Variants in RIMS1 observed in about 807,000 individuals in gnomAD.
RIMS1 encodes the protein regulating synaptic membrane exocytosis 1.
Under a neutral mutation model 214.1 loss-of-function variants are expected in RIMS1, and 83 were observed. The ratio of observed to expected loss-of-function variants is 0.39; its 90% CI spans 0.32 to 0.47. The LOEUF (loss-of-function observed/expected upper bound fraction) is 0.47, where lower values mean the gene tolerates loss of function less well. Ranked by LOEUF, RIMS1 falls within the 20% of genes least tolerant of loss-of-function variation. The pLI is 0.99. For synonymous variants in RIMS1, 793 were observed against 786.8 expected (o/e 1.01, Z -0.13); for missense variants, 2,050 against 2,161.8 (o/e 0.95, Z 1.03).
chr6:72,355,910 C>A (rs190809100), intron 29 of RIMS1, among the ~76,000 whole-genome samples: 2 of 152,270 alleles, frequency 1.3e-5, no homozygotes, highest in East Asian at 3.9e-4. Context: ...TTACACATAA[C>A]GACTCCCACT....
rs147294767 is a variant in RIMS1, at chr6:71,953,889, G to A, written c.165-15094G>A. Among the ~76,000 whole-genome samples the A allele has an allele frequency of 1.5e-3, 233 of 152,258 alleles. 6 individuals are homozygous for A. The East Asian group carries it at 0.042, about 28-fold the overall frequency. Reference sequence around the variant, plus strand: ...GAGACTATTTTCATGCTTCTCCCCAGCCAAACAGACTGAATTAAAGGACTG... The same window carrying A: ...GAGACTATTTTCATGCTTCTCCCCAACCAAACAGACTGAATTAAAGGACTG... On this transcript the variant is annotated intron_variant, in intron 1 of 33. Coordinates refer to ENST00000521978, the MANE Select transcript of RIMS1 (RefSeq NM_014989.7).
chr6:71,951,492 T>TTGTGTG lies in RIMS1; in HGVS notation c.165-17478_165-17473dup, dbSNP rs1554151372. 3.3e-3 allele frequency among the ~76,000 whole-genome samples: 386 copies of TTGTGTG among 117,490 alleles called. 5 individuals are homozygous for TTGTGTG. The highest frequency in any genetic ancestry group is 0.012 in the African/African-American group (327 of 26,862). 77.1% of individuals were successfully genotyped at this position (117,490 alleles called of 152,430 possible). On this transcript the variant is annotated intron_variant, in intron 1 of 33. Coordinates refer to ENST00000521978, the MANE Select transcript of RIMS1 (RefSeq NM_014989.7). ...CTTTTCTTTTTCTTTTTTTTTTTTTTTGTGTGTGTGTGTGTGTGACAGAGT... is the reference window on the plus strand; with the variant it reads ...CTTTTCTTTTTCTTTTTTTTTTTTTTTGTGTGTGTGTGTGTGTGTGTGTGACAGAGT...
intron 2 of RIMS1, among the ~76,000 whole-genome samples, chr6:72,058,133 A>G (rs948012265): frequency 6.6e-6 from 1 of 152,226 alleles, no homozygotes; most frequent in African/African-American, 2.4e-5. Flanking sequence ...AAAGCAAAAT[A>G]ATCAAACCCT....
At chr6:72,004,738 T>G (rs1806758052) in intron 2 of RIMS1, among the ~76,000 whole-genome samples, 1 of 151,884 alleles carries the variant, frequency 6.6e-6, no homozygotes, top group Non-Finnish European at 1.5e-5. Context: ...TCTTGTAAAT[T>G]TGTTTGAGTT....
At chr6:71,936,715 G>A (rs1784569601) in intron 1 of RIMS1, among the ~76,000 whole-genome samples, 1 of 152,156 alleles carries the variant, frequency 6.6e-6, no homozygotes, top group Non-Finnish European at 1.5e-5. Context: ...TTTTGGCTTT[G>A]GGGAATAAAA....
chr6:72,291,219 T>TA (rs1229800931), intron 25 of RIMS1, among the ~76,000 whole-genome samples: 1 of 152,210 alleles, frequency 6.6e-6, no homozygotes, highest in Non-Finnish European at 1.5e-5. Flanking sequence ...GAGGAAATTT[T>TA]AAAAATCTTT....
chr6:72,094,934 A>AATT (rs1026137097), intron 2 of RIMS1, among the ~76,000 whole-genome samples: 8 of 150,358 alleles, frequency 5.3e-5, no homozygotes, highest in East Asian at 1.9e-4. Flanking sequence ...CTTATTACTT[A>AATT]ATTATTATTA....
At chr6:72,007,050 G>C (rs1261108188) in intron 2 of RIMS1, among the ~76,000 whole-genome samples, 1 of 152,178 alleles carries the variant, frequency 6.6e-6, no homozygotes, top group Admixed American at 6.5e-5. Context: ...TGACACCCAA[G>C]TAGCCTAACT....
In RIMS1 at chr6:72,251,330, G is replaced by C; in HGVS notation, c.2660G>C (p.Arg887Pro). ...LPQPSPFMPRRHIHGESSSKK... is the reference protein window; with the variant it reads ...LPQPSPFMPRPHIHGESSSKK... ...CAGCCATCACCTTTCATGCCAAGGC[G>C]ACATATTCATGGAGAAAGCTCTAGC... is the stretch of plus-strand genomic sequence containing the variant. Residue 887 changes from arginine (R) to proline (P), a missense_variant, in exon 15 of 34, where the codon CGA (arginine) becomes CCA (proline). Around this residue, in one of 6 missense-constraint regions of RIMS1, gnomAD observed 889 missense variants for 885.5 expected, o/e 1.00. Coordinates refer to ENST00000521978, the MANE Select transcript of RIMS1 (RefSeq NM_014989.7). 6.3e-7 allele frequency: 1 copy of C among 1,599,364 alleles called. No homozygotes were observed. The highest frequency in any genetic ancestry group is 2.3e-5 in the East Asian group (1 of 44,406).
At chr6:72,325,654 C>T (rs916523968) in intron 28 of RIMS1, among the ~76,000 whole-genome samples, 2 of 151,680 alleles carry the variant, frequency 1.3e-5, no homozygotes, top group Admixed American at 1.3e-4. Context: ...AATAAACTAA[C>T]AAAATGTGCA....
At chr6:72,152,719 AATATATATATATGGAATATATGTATAT>A (rs1562441124) in intron 4 of RIMS1, among the ~76,000 whole-genome samples, 1 of 116,156 alleles carries the variant, frequency 8.6e-6, no homozygotes, top group Admixed American at 9.6e-5. Context: ...TATATATGTG[AATATATATATATGGAATATATGTATAT>A]ATATGTATAT....
At chr6:71,890,361 T>C (rs1769256389) in intron 1 of RIMS1, among the ~76,000 whole-genome samples, 1 of 129,292 alleles carries the variant, frequency 7.7e-6, no homozygotes, top group Admixed American at 7.7e-5. Flanking sequence ...TATCTGCAAA[T>C]TAGAGGTCTT....
intron 2 of RIMS1, among the ~76,000 whole-genome samples, chr6:71,975,138 T>C (rs1195267797): frequency 6.6e-6 from 1 of 152,210 alleles, no homozygotes; most frequent in East Asian, 1.9e-4. Flanking sequence ...ATAAACATCA[T>C]GTTATTAAAA....
intron 4 of RIMS1, among the ~76,000 whole-genome samples, chr6:72,119,897 T>C (rs2037887509): frequency 6.6e-6 from 1 of 151,658 alleles, no homozygotes; most frequent in Non-Finnish European, 1.5e-5. Flanking sequence ...AATGAGAACA[T>C]GTGGTGTTTG....
chr6:72,084,871 G>T (rs1351634512), intron 2 of RIMS1, among the ~76,000 whole-genome samples: 1 of 151,870 alleles, frequency 6.6e-6, no homozygotes, highest in Non-Finnish European at 1.5e-5. Flanking sequence ...TGCTAAATGG[G>T]GGACCATAAA....
rs187027896 is a variant in RIMS1, at chr6:72,164,670, A to G, written c.472-14905A>G. ...TCTCATTGGTTTATTAGACAGTTCC[A>G]GCTGCTATAACAATATACCATAGAT... On this transcript the variant is annotated intron_variant, in intron 4 of 33. Coordinates refer to ENST00000521978, the MANE Select transcript of RIMS1 (RefSeq NM_014989.7). Among the ~76,000 whole-genome samples the G allele has an allele frequency of 7.6e-3, 1,157 of 152,312 alleles. 17 individuals are homozygous for G. The highest frequency in any genetic ancestry group is 0.025 in the African/African-American group (1,045 of 41,556).
In RIMS1 at chr6:71,950,388, C is replaced by A. The variant is rs1789096135; in HGVS notation, c.165-18595C>A. ...TTTTACCTTAATCTGAAAAAAAAAG[C>A]AGTTATAATGGAAACCTCTAGGTAG... On this transcript the variant is annotated intron_variant, in intron 1 of 33. Transcript: ENST00000521978. 4.6e-5 allele frequency among the ~76,000 whole-genome samples: 7 copies of A among 151,746 alleles called. No individual in the cohort carries two copies. The South Asian group carries it at 1.2e-3, about 27-fold the overall frequency.
intron 16 of RIMS1, among the ~76,000 whole-genome samples, chr6:72,257,252 A>G (rs2076258172): frequency 6.6e-6 from 1 of 151,966 alleles, no homozygotes; most frequent in South Asian, 2.1e-4. Flanking sequence ...GATAATAAAA[A>G]ACAGTTACCC....
chr6:72,385,324 A>T (rs553178778), intron 29 of RIMS1, among the ~76,000 whole-genome samples: 1 of 152,212 alleles, frequency 6.6e-6, no homozygotes, highest in East Asian at 1.9e-4. Context: ...GATGTAACAC[A>T]TATTTGTTAT....
Sources: gnomAD v4.1 joint callset for allele counts (sites outside exome capture counted in the v4.1 genomes callset) on GRCh38, gnomAD v4.1.1 for gene constraint, gnomAD v4.1.1 regional missense constraint, MANE v1.5 for transcripts, NCBI Gene and HGNC (gene_info 2026-07-23, HGNC 2026-07-21) for gene names.